Variants in UMODL1 observed in about 807,000 individuals in gnomAD.
The protein encoded by UMODL1 is uromodulin like 1.
UMODL1 carries 128 observed loss-of-function variants against 136.3 expected under a neutral mutation model. The observed-to-expected ratio is 0.94, with a 90% CI of 0.81 to 1.09. UMODL1 has a LOEUF of 1.09. UMODL1 is among the 50% of genes least tolerant of loss of function. The probability of loss-of-function intolerance (pLI) is 0.00; values close to 1 mark genes in which losing one functional copy is unlikely to be tolerated. For synonymous variants in UMODL1, 721 were observed against 720.0 expected (o/e 1.00, Z -0.02); for missense variants, 1,766 against 1,725.6 (o/e 1.02, Z -0.41).
rs1171885056 is a variant in UMODL1, at chr21:42,127,126, G to T, written c.3414G>T (p.Arg1138Ser). 6.2e-7 allele frequency: 1 copy of T among 1,614,058 alleles called. No homozygotes were observed. The highest frequency in any genetic ancestry group is 1.7e-5 in the Admixed American group (1 of 60,002). The change falls in exon 19 of 23, where the codon AGG (arginine) becomes AGT (serine). Residue 1138 changes from arginine to serine, a missense_variant. By Grantham distance (110) the Arg-to-Ser change is moderately radical (BLOSUM62 -1). Coordinates refer to ENST00000408910, the MANE Select transcript of UMODL1 (RefSeq NM_001004416.3). The part of the protein sequence containing the change: ...NYSVSASDDV[R>S]IEVGLYRQKS... The stretch of plus-strand genomic sequence containing the variant: ...GCGTGTCTGCCAGTGACGATGTCAG[G>T]ATCGAAGTGGGGCTCTACAGGCAGA...
chr21:42,117,106 C>T (rs1399048419), intron 14 of UMODL1, among the ~76,000 whole-genome samples: 1 of 152,112 alleles, frequency 6.6e-6, no homozygotes. Context: ...CACTCCCTCT[C>T]GCCACTTCCT....
At chr21:42,086,540 G>A (rs1449554349) in intron 4 of UMODL1, 1 of 455,850 alleles carries the variant, frequency 2.2e-6, no homozygotes, top group Admixed American at 2.3e-5. Context: ...CTTGTTAAGG[G>A]GACTGCCCAA....
Position 42,113,763 on chromosome 21 carries a change from C to T in UMODL1, c.2295C>T (p.His765=). The T allele has an allele frequency of 6.2e-7, 1 of 1,614,054 alleles. No individual in the cohort carries two copies. Among genetic ancestry groups the T allele is most frequent in the Non-Finnish European group, 8.5e-7 (1 of 1,180,040 alleles). The part of the protein sequence containing the change: ...TLSGLEPGVL[H]LVEIMAKACG... ...CGGGGCTGGAGCCTGGGGTCTTGCA[C>T]CTGGTTGAGATCATGGCCAAAGCAT... The change falls in exon 13 of 23, where the codon CAC becomes CAT. Residue 765 remains histidine (H), a synonymous_variant. Coordinates refer to ENST00000408910, the MANE Select transcript of UMODL1 (RefSeq NM_001004416.3).
chr21:42,085,398 C>A lies in UMODL1; in HGVS notation c.589C>A (p.Leu197Ile), dbSNP rs1295371679. The A allele has an allele frequency of 6.2e-7, 1 of 1,614,000 alleles. No individual in the cohort carries two copies. Among genetic ancestry groups the A allele is most frequent in the Non-Finnish European group, 8.5e-7 (1 of 1,179,978 alleles). ...VDPRLLNHMR[L>I]LHSLVTSALQ... ...CCCCAGGCTCCTGAACCACATGCGC[C>A]TTCTGCATTCCTTGGTAGGTGAGAC... The change falls in exon 4 of 23, where the codon CTT (leucine) becomes ATT (isoleucine). Residue 197 changes from leucine (L) to isoleucine (I), a missense_variant. By Grantham distance (5) the Leu-to-Ile change is conservative. Transcript: ENST00000408910. This position sits in a 1 kb window ranked among gnomAD's most constrained non-coding sequence, Gnocchi z 4.5.
intron 14 of UMODL1, among the ~76,000 whole-genome samples, chr21:42,116,713 A>G (rs2066906493): frequency 6.6e-6 from 1 of 152,108 alleles, no homozygotes; most frequent in Admixed American, 6.5e-5. Context: ...CTATTTTGCA[A>G]AATTGTGCAA....
chr21:42,100,013 G>T (rs2066607443), intron 7 of UMODL1, among the ~76,000 whole-genome samples: 1 of 152,180 alleles, frequency 6.6e-6, no homozygotes, highest in Non-Finnish European at 1.5e-5. Flanking sequence ...GCCCATCTGG[G>T]TCTGTCCCGG....
intron 20 of UMODL1, among the ~76,000 whole-genome samples, chr21:42,128,502 A>AGCATGCGTCGCAGAACGCG (rs139845515): frequency 0.067 from 10,231 of 152,138 alleles, 583 homozygotes; most frequent in East Asian, 0.23. Context: ...CTCTCATCTG[A>AGCATGCGTCGCAGAACGCG]GCTGTTTTCC....
intron 9 of UMODL1, among the ~76,000 whole-genome samples, chr21:42,106,388 G>C (rs1363633604): frequency 6.6e-6 from 1 of 152,224 alleles, no homozygotes; most frequent in Non-Finnish European, 1.5e-5. Context: ...AGGTATTTGC[G>C]CTGTGGTCCA....
chr21:42,138,170 G>C (rs1263070031), intron 22 of UMODL1, among the ~76,000 whole-genome samples: 1 of 152,208 alleles, frequency 6.6e-6, no homozygotes, highest in Non-Finnish European at 1.5e-5. Flanking sequence ...TTCATCATTT[G>C]TAAAAGAAAC....
chr21:42,101,844 G>C, intron 7 of UMODL1: 1 of 423,474 alleles, frequency 2.4e-6, no homozygotes, highest in Admixed American at 2.8e-5. Flanking sequence ...CCCTGTGGTT[G>C]TGAATAGGGC....
upstream of UMODL1, among the ~76,000 whole-genome samples, chr21:42,070,535 G>A (rs1011437049): frequency 2.2e-4 from 33 of 152,198 alleles, no homozygotes; most frequent in African/African-American, 7.0e-4. Flanking sequence ...ACTGTACAGA[G>A]TTGTCACTTT....
intron 20 of UMODL1, among the ~76,000 whole-genome samples, chr21:42,129,183 C>G (rs220161): frequency 0.77 from 116,490 of 152,074 alleles, 46,260 homozygotes; most frequent in Middle Eastern, 0.92. Context: ...GCTTGATGAT[C>G]TGTTTCCAAG....
rs896505667 is a variant in UMODL1 at position 42,111,291 on chromosome 21, A to G, written c.1899+170A>G. 3.6e-6 allele frequency: 5 copies of G among 1,388,678 alleles called. No homozygotes were observed. In the African/African-American group the frequency reaches 4.4e-5, roughly 12 times the overall value. The allele number at this position is 1,388,678 out of a possible 1,614,324, so 86.0% of individuals were successfully genotyped here. A position where few individuals can be genotyped will look rare whatever the true frequency, so the allele number is the denominator to read the frequency against. ...AGCCCCAGCCAGGTGAACCCCAGCCAGCGGAGCACCAGCCACGCGAACTCC... is the reference window on the plus strand; with the variant it reads ...AGCCCCAGCCAGGTGAACCCCAGCCGGCGGAGCACCAGCCACGCGAACTCC... On this transcript the variant is annotated intron_variant, in intron 11 of 22. Coordinates refer to ENST00000408910, the MANE Select transcript of UMODL1 (RefSeq NM_001004416.3).
intron 21 of UMODL1, among the ~76,000 whole-genome samples, chr21:42,132,211 A>C (rs949616046): frequency 1.3e-5 from 2 of 150,796 alleles, no homozygotes; most frequent in African/African-American, 4.9e-5. Flanking sequence ...TCATCCCTCC[A>C]CTCATCTATC....
In UMODL1 at chr21:42,076,453, C is replaced by T. The variant is rs553512683; in HGVS notation, c.319+206C>T. Among the ~76,000 whole-genome samples the T allele has an allele frequency of 1.3e-4, 20 of 152,310 alleles. No individual in the cohort carries two copies. The East Asian group carries it at 3.9e-3, about 29-fold the overall frequency. ...TGAGTCCGTGGGTGGGGGTGAAGTA[C>T]AAGAATTTGCCCTCCTGACAAGTTC... is the stretch of plus-strand genomic sequence containing the variant. On this transcript the variant is annotated intron_variant, in intron 2 of 22. Transcript: ENST00000408910.
intron 3 of UMODL1, 42 bp downstream of exon 3, chr21:42,084,287 C>G: frequency 6.2e-7 from 1 of 1,601,784 alleles, no homozygotes; most frequent in Non-Finnish European, 8.5e-7. Context: ...GCAGCAAAGG[C>G]GGGTCTCGGT....
intron 11 of UMODL1, 41 bp from the exon 12 acceptor site, chr21:42,111,465 C>T: frequency 1.9e-6 from 3 of 1,613,836 alleles, no homozygotes; most frequent in Middle Eastern, 1.6e-4. Flanking sequence ...CACAGCTTCC[C>T]TCCTGGGGCC....
rs73905531 is a variant in UMODL1, at chr21:42,075,981, G to A, written c.77-24G>A. On this transcript the variant is annotated intron_variant, in intron 1 of 22. Coordinates refer to ENST00000408910, the MANE Select transcript of UMODL1 (RefSeq NM_001004416.3). ...GGATCTGATCCTGGTGTTCTCAGTC[G>A]CCTTCTTGCTTGGCCTCTTTCAGAA... 8.7e-3 allele frequency: 13,968 copies of A among 1,610,378 alleles called. 1,075 individuals carry two copies. In the African/African-American group the frequency reaches 0.16, roughly 19 times the overall value.
rs1448615497 is a variant in UMODL1 at position 42,122,381 on chromosome 21, C to T, written c.2828-450C>T. On this transcript the variant is annotated intron_variant, in intron 16 of 22. Coordinates refer to ENST00000408910, the MANE Select transcript of UMODL1 (RefSeq NM_001004416.3). This position sits in a 1 kb window ranked among gnomAD's most constrained non-coding sequence, Gnocchi z 4.3. ...AGGACCTCAAGAGGAGGCATCATTA[C>T]CCCATCTTAGAGAATAGACTCAGGG... Among the ~76,000 whole-genome samples, 3 of 152,296 alleles carry T rather than the reference C, an allele frequency of 2.0e-5. No individual in the cohort carries two copies. The highest frequency in any genetic ancestry group is 2.9e-5 in the Non-Finnish European group (2 of 68,022).
Sources: gnomAD v4.1 joint callset for allele counts (sites outside exome capture counted in the v4.1 genomes callset) on GRCh38, gnomAD v4.1.1 for gene constraint, Gnocchi (gnomAD v3.1) non-coding constraint, MANE v1.5 for transcripts, NCBI Gene and HGNC (gene_info 2026-07-23, HGNC 2026-07-21) for gene names.